Variants in NLGN4X observed in about 807,000 individuals in gnomAD.
The protein encoded by NLGN4X is neuroligin 4 X-linked.
NLGN4X carries 3 observed loss-of-function variants against 40.3 expected under a neutral mutation model. The observed-to-expected ratio is 0.07, with a 90% CI of 0.03 to 0.19. The LOEUF is 0.19. NLGN4X is among the 10% of genes least tolerant of loss of function. The pLI is 1.00. For missense variants in NLGN4X, 382 were observed against 708.3 expected, an observed-to-expected ratio of 0.54 and a Z score of 5.23; for synonymous variants, 270 against 306.8, an observed-to-expected ratio of 0.88 and a Z score of 1.25.
rs2036284797 is a variant in NLGN4X at position 6,012,633 on chromosome X, T to C, written c.625+16647A>G. Among the ~76,000 whole-genome samples, 4 of 111,770 alleles carry C rather than the reference T, an allele frequency of 3.6e-5. No homozygotes were observed. The Admixed American group carries it at 3.8e-4, about 11-fold the overall frequency. Reference sequence around the variant, plus strand: ...TTTGAAAATAGGGTCTTTGCAGATATAATTAGTTAAGGATCTGCAGATAAA... The same window carrying C: ...TTTGAAAATAGGGTCTTTGCAGATACAATTAGTTAAGGATCTGCAGATAAA... On this transcript the variant is annotated intron_variant, in intron 3 of 5. Coordinates refer to ENST00000381095, the MANE Select transcript of NLGN4X (RefSeq NM_181332.3).
intron 3 of NLGN4X, among the ~76,000 whole-genome samples, chrX:6,008,297 G>C (rs1027790769): frequency 9.0e-6 from 1 of 111,711 alleles, no homozygotes; most frequent in Non-Finnish European, 1.9e-5. Flanking sequence ...CTGTCTCTAT[G>C]AATTGAATCC....
intron 3 of NLGN4X, among the ~76,000 whole-genome samples, chrX:5,918,138 A>C (rs2032884577): frequency 9.0e-6 from 1 of 110,766 alleles, no homozygotes; most frequent in African/African-American, 3.3e-5. Flanking sequence ...AGATATCTTG[A>C]AAAATTACAG....
At chrX:6,042,730 T>TATATGTATATATAC (rs1215396694) in intron 2 of NLGN4X, among the ~76,000 whole-genome samples, 1 of 20,149 alleles carries the variant, frequency 5.0e-5, no homozygotes, top group African/African-American at 1.6e-4. Context: ...TATATATATA[T>TATATGTATATATAC]ACACACACAC....
intron 4 of NLGN4X, among the ~76,000 whole-genome samples, chrX:5,906,404 A>G (rs1041252439): frequency 1.8e-5 from 2 of 112,314 alleles, no homozygotes; most frequent in Non-Finnish European, 3.8e-5. Context: ...CATCTGTCCT[A>G]TCTTGCCAAT....
At chrX:5,926,789 T>TACACACACACACAC (rs3072083) in intron 3 of NLGN4X, among the ~76,000 whole-genome samples, 13 of 93,055 alleles carry the variant, frequency 1.4e-4, no homozygotes, top group African/African-American at 5.1e-4. Flanking sequence ...CTAGAGAGCA[T>TACACACACACACAC]ACACACACAC....
chrX:6,146,158 T>C (rs1264490899), intron 2 of NLGN4X, among the ~76,000 whole-genome samples: 1 of 109,857 alleles, frequency 9.1e-6, no homozygotes, highest in Non-Finnish European at 1.9e-5. Context: ...GATATGGCAC[T>C]GCCAGAAACA....
At chrX:6,173,629 A>G (rs2040656999) in intron 1 of NLGN4X, among the ~76,000 whole-genome samples, 1 of 112,692 alleles carries the variant, frequency 8.9e-6, no homozygotes, top group Non-Finnish European at 1.9e-5. Context: ...CTAGGCAGAC[A>G]GACCTGGCTG....
chrX:6,140,734 T>C (rs952668676), intron 2 of NLGN4X, among the ~76,000 whole-genome samples: 2 of 73,251 alleles, frequency 2.7e-5, no homozygotes, highest in African/African-American at 1.3e-4. Context: ...AGCACCACCA[T>C]GCCCAGCTAA....
chrX:5,997,631 T>G (rs140209872), intron 3 of NLGN4X, among the ~76,000 whole-genome samples: 1 of 32,670 alleles, frequency 3.1e-5, no homozygotes, highest in Non-Finnish European at 4.9e-5. Context: ...TATATATATA[T>G]ACACACGTAT....
intron 2 of NLGN4X, among the ~76,000 whole-genome samples, chrX:6,116,654 C>T (rs1277401607): frequency 1.9e-5 from 2 of 106,522 alleles, no homozygotes; most frequent in East Asian, 3.0e-4. Context: ...CTCAGCCTCC[C>T]GAGTAGCTGG....
intron 3 of NLGN4X, among the ~76,000 whole-genome samples, chrX:5,975,612 CAAA>C (rs60917858): frequency 7.4e-5 from 4 of 53,878 alleles, no homozygotes; most frequent in African/African-American, 1.3e-4. Context: ...GACTCCGTTT[CAAA>C]AAAAAAAAAA....
chrX:5,991,129 T>C (rs2035671194), intron 3 of NLGN4X, among the ~76,000 whole-genome samples: 1 of 112,028 alleles, frequency 8.9e-6, no homozygotes, highest in Admixed American at 9.5e-5. Context: ...TGAGAAGACA[T>C]GGCCTAGCAT....
intron 2 of NLGN4X, among the ~76,000 whole-genome samples, chrX:6,113,359 TA>T (rs779317015): frequency 1.2e-3 from 134 of 111,559 alleles, no homozygotes; most frequent in Non-Finnish European, 7.7e-4. Context: ...AATCTAAAAT[TA>T]AAGTTTCTTT....
At chrX:6,184,478 G>A (rs1260131980) in intron 1 of NLGN4X, among the ~76,000 whole-genome samples, 2 of 102,225 alleles carry the variant, frequency 2.0e-5, no homozygotes, top group South Asian at 4.6e-4. Context: ...CTTAATTACA[G>A]ATAAGTCAAT....
chrX:5,895,664 G>A (rs188800105), intron 5 of NLGN4X, among the ~76,000 whole-genome samples: 126 of 110,788 alleles, frequency 1.1e-3, no homozygotes, highest in African/African-American at 4.0e-3. Flanking sequence ...CATAATACAG[G>A]AGAAAAAGAA....
chrX:5,991,383 G>C (rs2035679751), intron 3 of NLGN4X: 1 of 505,446 alleles, frequency 2.0e-6, no homozygotes, highest in East Asian at 3.7e-5. Context: ...CCAGAGAAGT[G>C]AGAGGACTGT....
At chrX:5,924,607 G>A (rs1401531384) in intron 3 of NLGN4X, among the ~76,000 whole-genome samples, 2 of 111,781 alleles carry the variant, frequency 1.8e-5, no homozygotes, top group Non-Finnish European at 3.8e-5. Context: ...CCAACCCAAT[G>A]CCCATCAATC....
intron 3 of NLGN4X, among the ~76,000 whole-genome samples, chrX:6,022,628 G>A (rs775587780): frequency 8.0e-5 from 9 of 111,826 alleles, no homozygotes; most frequent in Non-Finnish European, 1.5e-4. Flanking sequence ...AATTGAGGCT[G>A]TAACTCTTGG....
chrX:6,093,694 T>C (rs1322769801), intron 2 of NLGN4X, among the ~76,000 whole-genome samples: 1 of 110,981 alleles, frequency 9.0e-6, no homozygotes, highest in Non-Finnish European at 1.9e-5. Flanking sequence ...TTACTAAAGG[T>C]GAAAATATAA....
Sources: allele counts gnomAD v4.1 joint callset (sites outside exome capture counted in the v4.1 genomes callset), GRCh38; gene constraint gnomAD v4.1.1; transcripts MANE v1.5; gene names NCBI Gene and HGNC (gene_info 2026-07-23, HGNC 2026-07-21).